NEGR1: variants seen among roughly 807,000 people sequenced by gnomAD.
NEGR1 encodes the protein IgLON family member 4.
NEGR1 carries 10 observed loss-of-function variants against 40.9 expected under a neutral mutation model. The ratio of observed to expected loss-of-function variants is 0.24; its 90% CI spans 0.15 to 0.42. The LOEUF (loss-of-function observed/expected upper bound fraction) is 0.42. Among genes scored for constraint, NEGR1 ranks in the 10% least tolerant of loss-of-function variants. NEGR1 has a pLI of 1.00. For synonymous variants in NEGR1, 185 were observed against 166.8 expected, an observed-to-expected ratio of 1.11 and a Z score of -0.84; for missense variants, 352 against 438.9, an observed-to-expected ratio of 0.80 and a Z score of 1.77.
chr1:71,941,260 G>C (rs1236028046), intron 1 of NEGR1, among the ~76,000 whole-genome samples: 1 of 152,042 alleles, frequency 6.6e-6, no homozygotes, highest in African/African-American at 2.4e-5. Context: ...CCAATTTCAA[G>C]ACCAAATGAG....
intron 1 of NEGR1, among the ~76,000 whole-genome samples, chr1:72,169,955 T>G (rs1384422261): frequency 6.6e-6 from 1 of 152,192 alleles, no homozygotes; most frequent in Non-Finnish European, 1.5e-5. Context: ...TATGTGATCA[T>G]TAATACCAGT....
At chr1:71,794,806 A>G (rs893428673) in intron 2 of NEGR1, among the ~76,000 whole-genome samples, 5 of 152,130 alleles carry the variant, frequency 3.3e-5, no homozygotes, top group Non-Finnish European at 7.4e-5. Context: ...ATAAAGCCAC[A>G]TTGCAGGAAG....
intron 6 of NEGR1, among the ~76,000 whole-genome samples, chr1:71,492,264 C>G (rs183816180): frequency 6.6e-6 from 1 of 152,058 alleles, no homozygotes; most frequent in South Asian, 2.1e-4. Flanking sequence ...TAGAGACTTA[C>G]GGGAGTGAGC....
At chr1:72,096,904 G>A (rs1648723830) in intron 1 of NEGR1, among the ~76,000 whole-genome samples, 1 of 151,868 alleles carries the variant, frequency 6.6e-6, no homozygotes, top group African/African-American at 2.4e-5. Context: ...GGATGATCTC[G>A]ATCTTCTGAA....
intron 1 of NEGR1, among the ~76,000 whole-genome samples, chr1:72,183,249 A>T (rs1419357008): frequency 6.6e-6 from 1 of 152,120 alleles, no homozygotes; most frequent in East Asian, 1.9e-4. Context: ...CCAACACAGT[A>T]TCTTTGCCAA....
At chr1:72,074,260 T>C (rs1386332788) in intron 1 of NEGR1, among the ~76,000 whole-genome samples, 1 of 152,150 alleles carries the variant, frequency 6.6e-6, no homozygotes, top group Admixed American at 6.6e-5. Context: ...TTGATACTCC[T>C]AATATTCGTC....
intron 2 of NEGR1, among the ~76,000 whole-genome samples, chr1:71,858,018 A>G (rs1484766038): frequency 1.3e-5 from 2 of 152,110 alleles, no homozygotes; most frequent in Admixed American, 6.6e-5. Flanking sequence ...TCAACTCTCT[A>G]ACACCAAGTG....
chr1:71,995,719 T>C (rs865950567), intron 1 of NEGR1, among the ~76,000 whole-genome samples: 6 of 152,188 alleles, frequency 3.9e-5, no homozygotes, highest in African/African-American at 1.2e-4. Context: ...GTATGAATAA[T>C]TGTAGCCAGA....
intron 4 of NEGR1, among the ~76,000 whole-genome samples, chr1:71,666,584 G>A (rs762150040): frequency 6.6e-6 from 1 of 152,064 alleles, no homozygotes; most frequent in Non-Finnish European, 1.5e-5. Flanking sequence ...CATGTCCATC[G>A]CTAAATATTT....
intron 2 of NEGR1, among the ~76,000 whole-genome samples, chr1:71,814,966 C>G (rs887871258): frequency 6.6e-6 from 1 of 151,994 alleles, no homozygotes; most frequent in Non-Finnish European, 1.5e-5. Context: ...TTTGTTTGCT[C>G]TTGGTTCCCT....
chr1:71,520,257 C>A (rs190773055), intron 6 of NEGR1, among the ~76,000 whole-genome samples: 7 of 152,146 alleles, frequency 4.6e-5, no homozygotes, highest in Admixed American at 2.6e-4. Flanking sequence ...CAGTGTCTGC[C>A]ACAGACTAAT....
At chr1:71,726,353 G>A (rs1190672781) in intron 3 of NEGR1, among the ~76,000 whole-genome samples, 3 of 152,012 alleles carry the variant, frequency 2.0e-5, no homozygotes, top group Non-Finnish European at 4.4e-5. Flanking sequence ...GCTCTGCAGG[G>A]TGCCACATGA....
At chr1:71,693,842 T>C (rs1179237803) in intron 4 of NEGR1, among the ~76,000 whole-genome samples, 1 of 151,624 alleles carries the variant, frequency 6.6e-6, no homozygotes, top group Non-Finnish European at 1.5e-5. Context: ...AACCTTCATA[T>C]TAAAGGGGTA....
chr1:71,471,433 G>A (rs1406541291), intron 6 of NEGR1, among the ~76,000 whole-genome samples: 1 of 152,066 alleles, frequency 6.6e-6, no homozygotes, highest in Non-Finnish European at 1.5e-5. Flanking sequence ...ATCACCTGAG[G>A]TTGGGAGTTC....
intron 1 of NEGR1, among the ~76,000 whole-genome samples, chr1:71,949,253 T>C (rs139809571): frequency 6.6e-6 from 1 of 152,300 alleles, no homozygotes; most frequent in East Asian, 1.9e-4. Flanking sequence ...ACCTTAGATG[T>C]CATGTCTTTG....
chr1:71,681,636 T>A (rs1932176), intron 4 of NEGR1, among the ~76,000 whole-genome samples: 149,777 of 152,324 alleles, frequency 0.98, 73,676 homozygotes, highest in Middle Eastern at 1. Context: ...ATGAGAATTT[T>A]AAAATAAACC....
chr1:71,676,548 ATTGTTGGGTGTCAGAAATTTCTTCAACCG>A (rs1652643526), intron 4 of NEGR1, among the ~76,000 whole-genome samples: 1 of 152,108 alleles, frequency 6.6e-6, no homozygotes, highest in African/African-American at 2.4e-5. Flanking sequence ...TCCTTCAACC[ATTGTTGGGTGTCAGAAATTTCTTCAACCG>A]TTGTTGGGTG....
At chr1:71,504,421 A>T (rs534490270) in intron 6 of NEGR1, among the ~76,000 whole-genome samples, 15 of 152,294 alleles carry the variant, frequency 9.8e-5, no homozygotes, top group African/African-American at 3.4e-4. Flanking sequence ...GACAGATTTC[A>T]ACACAGAGAA....
intron 1 of NEGR1, among the ~76,000 whole-genome samples, chr1:72,217,080 T>C (rs1212397118): frequency 7.2e-5 from 11 of 151,880 alleles, no homozygotes; most frequent in Non-Finnish European, 1.0e-4. Context: ...GATTAAACAA[T>C]AGTATCCCCA....
Sources: gnomAD v4.1 joint callset for allele counts (sites outside exome capture counted in the v4.1 genomes callset) on GRCh38, gnomAD v4.1.1 for gene constraint, MANE v1.5 for transcripts, NCBI Gene and HGNC (gene_info 2026-07-23, HGNC 2026-07-21) for gene names.